The following FAF1 variants were observed in gnomAD, a reference collection of about 807,000 sequenced individuals.
FAF1 encodes the protein FAS-associated factor 1.
In FAF1, 25 loss-of-function variants were observed where a neutral mutation model predicts 92.5. That is an observed-to-expected ratio of 0.27 (90% confidence interval 0.20 to 0.38). The LOEUF (loss-of-function observed/expected upper bound fraction) is 0.38. Ranked by LOEUF, FAF1 falls within the 10% of genes least tolerant of loss-of-function variation. FAF1 has a pLI of 1.00. For missense variants in FAF1, 636 were observed against 793.3 expected, an observed-to-expected ratio of 0.80 and a Z score of 2.38; for synonymous variants, 234 against 273.2, an observed-to-expected ratio of 0.86 and a Z score of 1.42.
At chr1:50,565,051 G>T (rs1389032982) in intron 13 of FAF1, among the ~76,000 whole-genome samples, 2 of 151,848 alleles carry the variant, frequency 1.3e-5, no homozygotes, top group Non-Finnish European at 2.9e-5. Flanking sequence ...TAGGTAAATT[G>T]GTGTCATGGG....
At position 50,861,569 on chromosome 1, in the gene FAF1, G is replaced by A. The variant is rs538631849; in HGVS notation, c.46-3572C>T. On this transcript the variant is annotated intron_variant, in intron 1 of 18. Coordinates refer to ENST00000396153, the MANE Select transcript of FAF1 (RefSeq NM_007051.3). Reference sequence around the variant, plus strand: ...CCAAAATGTGGCAGGGTAGGAGGTAGTAAGGGACAAAAATGCTACTTATTG... The same window carrying A: ...CCAAAATGTGGCAGGGTAGGAGGTAATAAGGGACAAAAATGCTACTTATTG... Among the ~76,000 whole-genome samples, 122 of 151,886 alleles carry A rather than the reference G, an allele frequency of 8.0e-4. 2 individuals are homozygous for A. The South Asian group carries it at 0.011, about 14-fold the overall frequency.
At position 50,909,808 on chromosome 1, in the gene FAF1, C is replaced by A. The variant is rs542376145; in HGVS notation, c.45+49959G>T. ...TTTTTCAAGGTTTTTAGCTTCTTTGCGATGGGTTTGAAGATCCCCCTTTAG... is the reference window on the plus strand; with the variant it reads ...TTTTTCAAGGTTTTTAGCTTCTTTGAGATGGGTTTGAAGATCCCCCTTTAG... On this transcript the variant is annotated intron_variant, in intron 1 of 18. Coordinates refer to ENST00000396153, the MANE Select transcript of FAF1 (RefSeq NM_007051.3). Among the ~76,000 whole-genome samples the A allele has an allele frequency of 2.2e-3, 331 of 152,256 alleles. 3 individuals are homozygous for A. The highest frequency in any genetic ancestry group is 7.9e-3 in the African/African-American group (328 of 41,544).
intron 1 of FAF1, among the ~76,000 whole-genome samples, chr1:50,872,334 A>C (rs1053965544): frequency 6.6e-6 from 1 of 152,212 alleles, no homozygotes; most frequent in African/African-American, 2.4e-5. Context: ...GAAGACAGCA[A>C]GATAACTAGA....
At chr1:50,873,228 T>C (rs968162155) in intron 1 of FAF1, among the ~76,000 whole-genome samples, 17 of 152,336 alleles carry the variant, frequency 1.1e-4, no homozygotes, top group African/African-American at 4.1e-4. Context: ...CATAATAGTG[T>C]AAATATAACT....
At chr1:50,748,529 C>G (rs2124505241) in intron 4 of FAF1, among the ~76,000 whole-genome samples, 1 of 150,860 alleles carries the variant, frequency 6.6e-6, no homozygotes, top group South Asian at 2.1e-4. Context: ...AGAAAAATGA[C>G]TGAAAGGTAA....
chr1:50,950,660 T>C (rs1485381718), intron 1 of FAF1, among the ~76,000 whole-genome samples: 1 of 152,210 alleles, frequency 6.6e-6, no homozygotes, highest in Non-Finnish European at 1.5e-5. Flanking sequence ...CATACTCAGC[T>C]AATCTAGAGA....
intron 1 of FAF1, among the ~76,000 whole-genome samples, chr1:50,863,757 G>A (rs970861283): frequency 5.9e-5 from 9 of 151,912 alleles, no homozygotes; most frequent in Non-Finnish European, 1.0e-4. Context: ...TCTATTGATT[G>A]GAATAGTTTC....
chr1:50,804,135 T>C (rs961473472), intron 2 of FAF1, among the ~76,000 whole-genome samples: 2 of 152,296 alleles, frequency 1.3e-5, no homozygotes, highest in South Asian at 2.1e-4. Flanking sequence ...CCAAGCACTA[T>C]GCTAGACAAT....
chr1:50,510,165 CAAA>C (rs34071985), intron 15 of FAF1, among the ~76,000 whole-genome samples: 8 of 60,948 alleles, frequency 1.3e-4, no homozygotes, highest in African/African-American at 3.2e-4. Context: ...GACTCTGTCT[CAAA>C]AAAAAAAAAA....
Position 50,441,211 on chromosome 1 carries a change from G to A in FAF1, c.*229C>T, listed in dbSNP as rs372214566. 2 of 433,814 alleles carry A rather than the reference G, an allele frequency of 4.6e-6. No homozygotes were observed. The highest frequency in any genetic ancestry group is 4.0e-5 in the Admixed American group (1 of 25,082). The allele number at this position is 433,814 out of a possible 1,614,324, so 26.9% of individuals were successfully genotyped here. A position where few individuals can be genotyped will look rare whatever the true frequency, so the allele number is the denominator to read the frequency against. ...AGGGTGAAGTGCAGGGGGTAGGGGA[G>A]GGTGGCAGAGTTGTAATTCTCTGTA... On this transcript the variant is annotated 3_prime_UTR_variant, in exon 19 of 19. Transcript: ENST00000396153.
At chr1:50,601,177 T>C (rs762115503) in intron 8 of FAF1, among the ~76,000 whole-genome samples, 6 of 152,200 alleles carry the variant, frequency 3.9e-5, no homozygotes, top group African/African-American at 9.6e-5. Context: ...ACAAAGCATA[T>C]AGTATTTTCT....
chr1:50,891,990 C>G (rs1054137076), intron 1 of FAF1, among the ~76,000 whole-genome samples: 1 of 152,306 alleles, frequency 6.6e-6, no homozygotes, highest in Admixed American at 6.5e-5. Context: ...CCTCCTTGAG[C>G]TGCAGTGGGG....
At chr1:50,632,752 G>A (rs537668616) in intron 8 of FAF1, among the ~76,000 whole-genome samples, 2 of 152,064 alleles carry the variant, frequency 1.3e-5, no homozygotes, top group South Asian at 4.1e-4. Context: ...CTCTCAAGGT[G>A]TCCCACACTT....
intron 1 of FAF1, among the ~76,000 whole-genome samples, chr1:50,894,563 A>C (rs960744482): frequency 6.6e-6 from 1 of 152,058 alleles, no homozygotes; most frequent in Non-Finnish European, 1.5e-5. Context: ...TGCAGAGTAC[A>C]CATTATTCTC....
intron 4 of FAF1, among the ~76,000 whole-genome samples, chr1:50,783,138 T>C (rs1284673452): frequency 6.6e-6 from 1 of 151,976 alleles, no homozygotes; most frequent in Non-Finnish European, 1.5e-5. Flanking sequence ...CCTAGAAACA[T>C]ACAACCTACC....
At chr1:50,959,343 A>G (rs748984997) in intron 1 of FAF1, among the ~76,000 whole-genome samples, 3 of 152,018 alleles carry the variant, frequency 2.0e-5, no homozygotes, top group Non-Finnish European at 4.4e-5. Context: ...CTCTTCCCTT[A>G]ATACAATATA....
intron 1 of FAF1, among the ~76,000 whole-genome samples, chr1:50,946,928 T>C (rs1645176408): frequency 6.6e-6 from 1 of 152,140 alleles, no homozygotes; most frequent in Non-Finnish European, 1.5e-5. Context: ...TTCAAGGCTG[T>C]TAGGAATACA....
chr1:50,866,294 C>T (rs964914092), intron 1 of FAF1, among the ~76,000 whole-genome samples: 4 of 152,088 alleles, frequency 2.6e-5, no homozygotes, highest in African/African-American at 9.7e-5. Context: ...TAAGGATGCC[C>T]ACTTTCACCA....
chr1:50,636,904 C>CTGATATCCAGT (rs1654040910), intron 8 of FAF1, among the ~76,000 whole-genome samples: 1 of 152,008 alleles, frequency 6.6e-6, no homozygotes, highest in African/African-American at 2.4e-5. Context: ...TCTATCTTTA[C>CTGATATCCAGT]TGATATCCAG....
Sources: allele counts gnomAD v4.1 joint callset (sites outside exome capture counted in the v4.1 genomes callset), GRCh38; gene constraint gnomAD v4.1.1; transcripts MANE v1.5; gene names NCBI Gene and HGNC (gene_info 2026-07-23, HGNC 2026-07-21).